The following WDR86 variants were observed in gnomAD, a reference collection of about 807,000 sequenced individuals.
WDR86 encodes WD repeat-containing protein 86.
A neutral mutation model predicts 36.5 loss-of-function variants in WDR86; 30 were observed. The observed-to-expected ratio is 0.82, with a 90% CI of 0.61 to 1.11. The LOEUF (loss-of-function observed/expected upper bound fraction) is 1.11, where lower values mean the gene tolerates loss of function less well. Among genes scored for constraint, WDR86 ranks in the 50% most tolerant of loss-of-function variants. The pLI is 0.00. For missense variants in WDR86, 545 were observed against 561.2 expected (o/e 0.97, Z 0.29); for synonymous variants, 255 against 252.9 (o/e 1.01, Z -0.08).
chr7:151,410,208 G>A (rs940339203), upstream of WDR86, among the ~76,000 whole-genome samples: 2 of 152,228 alleles, frequency 1.3e-5, no homozygotes, highest in African/African-American at 4.8e-5. Flanking sequence ...GCGCCTCTGG[G>A]CTCTGGCCTC....
rs1563041214 is a variant in WDR86, at chr7:151,381,677, G to A, written c.1036C>T (p.Arg346Ter). The change falls in exon 6 of 6, where the codon CGA becomes TGA. Residue 346 changes from arginine (R) to a stop codon, truncating the protein, a stop_gained. Transcript: ENST00000334493. LOFTEE classifies it high-confidence loss of function. This position sits in a 1 kb window ranked among gnomAD's most constrained non-coding sequence, Gnocchi z 4.8. ...GGCGGAGGGGGCCGCGGGGCACCTCGGAGCCCGCGCACGTCCCAGAGGCGC... is the reference window on the plus strand; with the variant it reads ...GGCGGAGGGGGCCGCGGGGCACCTCAGAGCCCGCGCACGTCCCAGAGGCGC... ...ALRLWDVRGL[R>*]GAPRPPPPMR... 8 of 1,427,414 alleles carry A rather than the reference G, an allele frequency of 5.6e-6. No homozygotes were observed. Among genetic ancestry groups the A allele is most frequent in the Non-Finnish European group, 7.3e-6 (8 of 1,100,658 alleles). 88.4% of individuals were successfully genotyped at this position (1,427,414 alleles called of 1,614,324 possible).
intron 3 of WDR86, among the ~76,000 whole-genome samples, chr7:151,394,256 G>T (rs6948770): frequency 1.6e-4 from 25 of 152,052 alleles, no homozygotes; most frequent in African/African-American, 5.1e-4. Context: ...AGCATCTCAG[G>T]GACCTGGGTG....
chr7:151,410,073 C>T (rs1423936455), upstream of WDR86: 3 of 986,146 alleles, frequency 3.0e-6, no homozygotes, highest in Non-Finnish European at 3.6e-6. Flanking sequence ...CACCCCTCAC[C>T]CGATCCCCTC....
chr7:151,379,598 A>C (rs35217858), downstream of WDR86, among the ~76,000 whole-genome samples: 16,663 of 152,154 alleles, frequency 0.11, 1,700 homozygotes, highest in East Asian at 0.39. Flanking sequence ...GCGAAAATGG[A>C]CATCTGGCCA....
chr7:151,403,345 C>G (rs148051476), intron 1 of WDR86, among the ~76,000 whole-genome samples: 1 of 152,308 alleles, frequency 6.6e-6, no homozygotes, highest in East Asian at 1.9e-4. Flanking sequence ...AGACAATGGA[C>G]AAATTCAAAC....
chr7:151,384,957 A>G, intron 4 of WDR86, 131 bp downstream of exon 4: 2 of 1,029,882 alleles, frequency 1.9e-6, no homozygotes, highest in South Asian at 1.6e-5. Context: ...TGGAGAAGGA[A>G]CGAGCACTGC....
chr7:151,376,554 G>A (rs1016277112), downstream of WDR86: 21 of 1,341,898 alleles, frequency 1.6e-5, no homozygotes, highest in African/African-American at 7.3e-5. Context: ...CATGAGAGTC[G>A]GCTGTCCACT....
In WDR86 at chr7:151,383,277, C is replaced by T. The variant is rs186343613; in HGVS notation, c.863-1296G>A. ...GATCATGAGATCAGGGGTTTGAGAC[C>T]AGCCTGGCCAACATGGTGAAACCCT... On this transcript the variant is annotated intron_variant, in intron 4 of 5. Coordinates refer to ENST00000334493, the MANE Select transcript of WDR86 (RefSeq NM_198285.3). Among the ~76,000 whole-genome samples, 375 of 152,056 alleles carry T rather than the reference C, an allele frequency of 2.5e-3. 2 individuals are homozygous for T. The highest frequency in any genetic ancestry group is 4.5e-3 in the Non-Finnish European group (307 of 67,966).
At chr7:151,400,275 C>T (rs767540759) in intron 1 of WDR86, 34 bp from the exon 2 acceptor site, 1 of 1,519,040 alleles carries the variant, frequency 6.6e-7, no homozygotes, top group Admixed American at 2.1e-5. Context: ...TGTGAGCGTA[C>T]TGGGGATGCC....
intron 4 of WDR86, among the ~76,000 whole-genome samples, chr7:151,382,380 CA>C (rs1798666848): frequency 6.6e-6 from 1 of 152,194 alleles, no homozygotes; most frequent in African/African-American, 2.4e-5. Context: ...GATCGGCACT[CA>C]AATCAAAGCC....
At position 151,409,144 on chromosome 7, in the gene WDR86, T is replaced by C; in HGVS notation, c.163+283A>G. The C allele has an allele frequency of 6.0e-6, 4 of 663,730 alleles. No homozygotes were observed. Among genetic ancestry groups the C allele is most frequent in the Non-Finnish European group, 8.5e-6 (3 of 354,378 alleles). 41.1% of individuals were successfully genotyped at this position (663,730 alleles called of 1,614,324 possible). On this transcript the variant is annotated intron_variant, in intron 1 of 5. Transcript: ENST00000334493. This position sits in a 1 kb window ranked among gnomAD's most constrained non-coding sequence, Gnocchi z 5.2. ...GTCAAGGGAGATTTCCTGCCGCTGG[T>C]TGACAAATGATCTTCGCCTTTGTAG...
chr7:151,410,392 G>A (rs1021645430), upstream of WDR86: 4 of 152,400 alleles, frequency 2.6e-5, no homozygotes, highest in African/African-American at 7.2e-5. Context: ...GTCCTCCCAT[G>A]CTCTGAGCCC....
chr7:151,409,612 A>G lies in WDR86; in HGVS notation c.-23T>C. ...CATCCCGCTGGCAGGGCGGGGAACAAGAAGGAGCTGCGCCCCGCTAGGGAG... is the reference window on the plus strand; with the variant it reads ...CATCCCGCTGGCAGGGCGGGGAACAGGAAGGAGCTGCGCCCCGCTAGGGAG... On this transcript the variant is annotated 5_prime_UTR_variant, in exon 1 of 6. Coordinates refer to ENST00000334493, the MANE Select transcript of WDR86 (RefSeq NM_198285.3). The surrounding 1 kb of genome is among the most constrained non-coding windows in gnomAD (Gnocchi z 5.2). The G allele has an allele frequency of 1.5e-6, 2 of 1,366,080 alleles. 1 individual carries two copies. 84.6% of individuals were successfully genotyped at this position (1,366,080 alleles called of 1,614,324 possible). A position where few individuals can be genotyped will look rare whatever the true frequency, so the allele number is the denominator to read the frequency against.
Position 151,409,700 on chromosome 7 carries a change from G to A in WDR86, c.-111C>T. 1 of 1,298,362 alleles carries A rather than the reference G, an allele frequency of 7.7e-7. No homozygotes were observed. Among genetic ancestry groups the A allele is most frequent in the Non-Finnish European group, 9.7e-7 (1 of 1,027,322 alleles). The allele number at this position is 1,298,362 out of a possible 1,614,324, so 80.4% of individuals were successfully genotyped here. A position where few individuals can be genotyped will look rare whatever the true frequency, so the allele number is the denominator to read the frequency against. On this transcript the variant is annotated 5_prime_UTR_variant, in exon 1 of 6. Coordinates refer to ENST00000334493, the MANE Select transcript of WDR86 (RefSeq NM_198285.3). This position sits in a 1 kb window ranked among gnomAD's most constrained non-coding sequence, Gnocchi z 5.2. ...GCGGCCCGCGGCCATCGCGGGGAAC[G>A]GGGAGCCCGACTCCTGCGGAGGCAC...
chr7:151,381,355 C>T lies in WDR86; in HGVS notation c.*227G>A. 2 of 1,411,576 alleles carry T rather than the reference C, an allele frequency of 1.4e-6. No individual in the cohort carries two copies. The highest frequency in any genetic ancestry group is 1.8e-6 in the Non-Finnish European group (2 of 1,092,322). 87.4% of individuals were successfully genotyped at this position (1,411,576 alleles called of 1,614,324 possible). ...AGGGATGGGGAGGGAGGACAGGAGC[C>T]ACCCTAAAAGGGAAAAGGGGGCGGT... is the stretch of plus-strand genomic sequence containing the variant. On this transcript the variant is annotated 3_prime_UTR_variant, in exon 6 of 6. Transcript: ENST00000334493. The surrounding 1 kb of genome is among the most constrained non-coding windows in gnomAD (Gnocchi z 4.8).
At chr7:151,374,942 C>T (rs1584975482), downstream of WDR86, among the ~76,000 whole-genome samples, 1 of 151,482 alleles carries the variant, frequency 6.6e-6, no homozygotes, top group East Asian at 1.9e-4. Context: ...GGCAGCAGTC[C>T]AGACAGATGC....
At position 151,388,966 on chromosome 7, in the gene WDR86, G is replaced by A. The variant is rs183163667; in HGVS notation, c.727-3743C>T. Among the ~76,000 whole-genome samples, 11 of 152,246 alleles carry A rather than the reference G, an allele frequency of 7.2e-5. No individual in the cohort carries two copies. The East Asian group carries it at 1.5e-3, about 21-fold the overall frequency. On this transcript the variant is annotated intron_variant, in intron 3 of 5. Transcript: ENST00000334493. The surrounding 1 kb of genome is among the most constrained non-coding windows in gnomAD (Gnocchi z 4.2). ...GCCTGTTTGTCCCTTCATCCAAGAC[G>A]AAGGACGTGGCAAGAGCAGCAGCCA...
chr7:151,409,482 G>A lies in WDR86; in HGVS notation c.108C>T (p.Asp36=), dbSNP rs1801031156. 1 of 1,535,816 alleles carries A rather than the reference G, an allele frequency of 6.5e-7. No individual in the cohort carries two copies. The change falls in exon 1 of 6, where the codon GAC becomes GAT. Residue 36 remains aspartate (D), a synonymous_variant. Coordinates refer to ENST00000334493, the MANE Select transcript of WDR86 (RefSeq NM_198285.3). The surrounding 1 kb of genome is among the most constrained non-coding windows in gnomAD (Gnocchi z 5.2). ...DGQRLLTGSE[D]GTARLWSTAD... is the part of the protein sequence containing the mutation. ...CGGTGCTCCAGAGCCGGGCCGTGCC[G>A]TCCTCGCTGCCCGTCAGCAGGCGCT...
At chr7:151,397,409 T>C (rs563355689) in intron 2 of WDR86, among the ~76,000 whole-genome samples, 99 of 152,372 alleles carry the variant, frequency 6.5e-4, no homozygotes, top group African/African-American at 2.4e-3. Context: ...GATAGGATGA[T>C]TGTCACAAAA....
Sources: gnomAD v4.1 joint callset for allele counts (sites outside exome capture counted in the v4.1 genomes callset) on GRCh38, gnomAD v4.1.1 for gene constraint, Gnocchi (gnomAD v3.1) non-coding constraint, MANE v1.5 for transcripts, NCBI Gene and HGNC (gene_info 2026-07-23, HGNC 2026-07-21) for gene names.